TULP4: variants seen among roughly 807,000 people sequenced by gnomAD.
TULP4 encodes tubby-related protein 4.
In TULP4, 16 loss-of-function variants were observed where a neutral mutation model predicts 129.0. The observed-to-expected ratio is 0.12, with a 90% confidence interval of 0.08 to 0.19. The LOEUF (loss-of-function observed/expected upper bound fraction) is 0.19, where lower values mean the gene tolerates loss of function less well. Ranked by LOEUF, TULP4 falls within the 10% of genes least tolerant of loss-of-function variation. The pLI is 1.00. For missense variants in TULP4, 1,842 were observed against 2,059.1 expected (o/e 0.89, Z 2.04); for synonymous variants, 998 against 854.0 (o/e 1.17, Z -2.94).
At chr6:158,308,456 C>G (rs1227652124), upstream of TULP4, among the ~76,000 whole-genome samples, 1,326 of 117,682 alleles carry the variant, frequency 0.011, no homozygotes, top group African/African-American at 0.017. Flanking sequence ...CCACCTTTCC[C>G]CCCTTTCTAT....
intron 1 of TULP4, among the ~76,000 whole-genome samples, chr6:158,405,307 G>C (rs2011305): frequency 3.3e-5 from 5 of 152,170 alleles, no homozygotes; most frequent in African/African-American, 7.2e-5. Context: ...ACACCAGGTC[G>C]TGGGGGTGAC....
chr6:158,287,003 A>T (rs182705515), intron 1 of TULP4, among the ~76,000 whole-genome samples: 1 of 152,312 alleles, frequency 6.6e-6, no homozygotes, highest in East Asian at 1.9e-4. Context: ...TTGCCAACAG[A>T]TATTTACTGA....
At chr6:158,423,995 G>A (rs1778415232) in intron 2 of TULP4, among the ~76,000 whole-genome samples, 1 of 151,862 alleles carries the variant, frequency 6.6e-6, no homozygotes, top group South Asian at 2.1e-4. Context: ...GCCAAAGACT[G>A]GAGAAAATAT....
At position 158,327,396 on chromosome 6, in the gene TULP4, C is replaced by G. The variant is rs1040064833; in HGVS notation, c.252+13128C>G. ...GTTGTTGTTGCTTTAAGAATTACTACCCACCTGCATCCTGGATTTTCTCTG... is the reference window on the plus strand; with the variant it reads ...GTTGTTGTTGCTTTAAGAATTACTAGCCACCTGCATCCTGGATTTTCTCTG... On this transcript the variant is annotated intron_variant, in intron 1 of 13. Transcript: ENST00000367097. Among the ~76,000 whole-genome samples the G allele has an allele frequency of 4.6e-5, 7 of 152,276 alleles. No homozygotes were observed. In the East Asian group the frequency reaches 1.3e-3, roughly 29 times the overall value.
At chr6:158,463,535 A>G (rs1779489430) in intron 6 of TULP4, among the ~76,000 whole-genome samples, 1 of 151,998 alleles carries the variant, frequency 6.6e-6, no homozygotes, top group Non-Finnish European at 1.5e-5. Context: ...TTTAGGAGAT[A>G]TACCTAATGT....
At chr6:158,397,558 T>C (rs1777746286) in intron 1 of TULP4, among the ~76,000 whole-genome samples, 1 of 151,858 alleles carries the variant, frequency 6.6e-6, no homozygotes, top group East Asian at 1.9e-4. Context: ...TGTTAGGTGT[T>C]TTGTTTGTTT....
intron 6 of TULP4, 38 bp from the exon 7 acceptor site, chr6:158,479,713 A>G (rs1171357669): frequency 6.3e-7 from 1 of 1,593,176 alleles, no homozygotes; most frequent in African/African-American, 1.3e-5. Context: ...CCACAAGAGC[A>G]AAAGCTTAAG....
intron 1 of TULP4, among the ~76,000 whole-genome samples, chr6:158,306,811 G>T (rs9346748): frequency 1.3e-5 from 2 of 152,038 alleles, no homozygotes; most frequent in Non-Finnish European, 2.9e-5. Flanking sequence ...CTTGAGCCTC[G>T]GAGTTCGAGA....
At chr6:158,367,135 A>C (rs1462114876) in intron 1 of TULP4, among the ~76,000 whole-genome samples, 1 of 151,822 alleles carries the variant, frequency 6.6e-6, no homozygotes, top group African/African-American at 2.4e-5. Context: ...GGCCACTGTC[A>C]CCTCTTTTCT....
At chr6:158,482,642 T>C (rs1374398780) in intron 8 of TULP4, among the ~76,000 whole-genome samples, 1 of 152,102 alleles carries the variant, frequency 6.6e-6, no homozygotes, top group Non-Finnish European at 1.5e-5. Flanking sequence ...TGGTTAGAGA[T>C]GACTGGGGTG....
upstream of TULP4, among the ~76,000 whole-genome samples, chr6:158,311,758 A>C (rs1779359963): frequency 1.3e-5 from 2 of 152,190 alleles, no homozygotes; most frequent in South Asian, 4.1e-4. Flanking sequence ...TAGAAAGTAC[A>C]GTTCAGTGTG....
chr6:158,294,081 G>A (rs749804123), intron 1 of TULP4, among the ~76,000 whole-genome samples: 3 of 152,238 alleles, frequency 2.0e-5, no homozygotes, highest in South Asian at 2.1e-4. Flanking sequence ...GCAGGTCATC[G>A]GGCCAGGCGC....
intron 1 of TULP4, among the ~76,000 whole-genome samples, chr6:158,331,756 CGT>C (rs1562523305): frequency 0.12 from 1,522 of 12,588 alleles, 311 homozygotes; most frequent in East Asian, 0.33. Context: ...TGTATATACA[CGT>C]GTATATATAC....
chr6:158,245,041 G>T (rs1778001216), intron 1 of TULP4, among the ~76,000 whole-genome samples: 1 of 152,030 alleles, frequency 6.6e-6, no homozygotes, highest in Non-Finnish European at 1.5e-5. Flanking sequence ...CCAGGCTGGA[G>T]TGCAGTGGTG....
At chr6:158,316,053 A>T (rs975187483) in intron 1 of TULP4, among the ~76,000 whole-genome samples, 20 of 152,224 alleles carry the variant, frequency 1.3e-4, no homozygotes, top group African/African-American at 4.8e-4. Context: ...CCTTCATTAC[A>T]TACTCTCTGT....
chr6:158,450,541 G>T (rs2115137921), intron 4 of TULP4, among the ~76,000 whole-genome samples: 2 of 152,210 alleles, frequency 1.3e-5, no homozygotes, highest in Admixed American at 1.3e-4. Context: ...TGGCTTGGGG[G>T]CTTTTTATGG....
In TULP4 at chr6:158,393,094, AG is replaced by A. The variant is rs1272999700; in HGVS notation, c.253-19967del. On this transcript the variant is annotated intron_variant, in intron 1 of 13. Coordinates refer to ENST00000367097, the MANE Select transcript of TULP4 (RefSeq NM_020245.5). Reference sequence around the variant, plus strand: ...AAATGGGAAAAATTGGCCAAAACAAAGGGGCTACAGGCCCCATGCAAGACTG... The same window carrying A: ...AAATGGGAAAAATTGGCCAAAACAAAGGGCTACAGGCCCCATGCAAGACTG... Among the ~76,000 whole-genome samples the A allele has an allele frequency of 2.6e-5, 4 of 152,214 alleles. No homozygotes were observed. In the East Asian group the frequency reaches 7.7e-4, roughly 29 times the overall value.
intron 8 of TULP4, among the ~76,000 whole-genome samples, chr6:158,485,549 C>A (rs576744909): frequency 2.8e-4 from 42 of 152,192 alleles, no homozygotes; most frequent in Non-Finnish European, 4.0e-4. Flanking sequence ...CACTAACATG[C>A]ACTATTCTTC....
intron 1 of TULP4, among the ~76,000 whole-genome samples, chr6:158,346,028 C>T (rs1780299204): frequency 6.6e-6 from 1 of 152,180 alleles, no homozygotes; most frequent in Non-Finnish European, 1.5e-5. Flanking sequence ...CGTTTATAGG[C>T]TCTCTTCAAG....
Sources: allele counts gnomAD v4.1 joint callset (sites outside exome capture counted in the v4.1 genomes callset), GRCh38; gene constraint gnomAD v4.1.1; transcripts MANE v1.5; gene names NCBI Gene and HGNC (gene_info 2026-07-23, HGNC 2026-07-21).